USH2A: variants seen among roughly 807,000 people sequenced by gnomAD.
The protein encoded by USH2A is usherin.
Under a neutral mutation model 538.9 loss-of-function variants are expected in USH2A, and 443 were observed. The observed-to-expected ratio is 0.82, with a 90% confidence interval of 0.76 to 0.89. The LOEUF is 0.89. Ranked by LOEUF, USH2A falls within the 40% of genes least tolerant of loss-of-function variation. USH2A has a pLI of 0.00. For synonymous variants in USH2A, 2,413 were observed against 2,273.5 expected (o/e 1.06, Z -1.75); for missense variants, 6,633 against 6,324.8 (o/e 1.05, Z -1.65).
intron 47 of USH2A, among the ~76,000 whole-genome samples, chr1:215,828,316 GGT>G (rs1408266420): frequency 6.6e-6 from 1 of 152,084 alleles, no homozygotes; most frequent in African/African-American, 2.4e-5. Context: ...GTATTAGCTG[GGT>G]GTGGTGGCAT....
intron 37 of USH2A, 51 bp from the exon 38 acceptor site, chr1:215,934,846 CCTG>C: frequency 2.7e-6 from 4 of 1,496,740 alleles, no homozygotes; most frequent in Non-Finnish European, 3.6e-6. Context: ...AGAATTCATT[CCTG>C]CTATTATTTG....
intron 46 of USH2A, among the ~76,000 whole-genome samples, chr1:215,844,014 T>G (rs56361219): frequency 1.7e-3 from 261 of 152,292 alleles, no homozygotes; most frequent in Admixed American, 4.3e-3. Context: ...CTCAACAAGA[T>G]TTATTTAGAA....
At position 215,968,818 on chromosome 1, in the gene USH2A, T is replaced by C. The variant is rs543458853; in HGVS notation, c.6957+1807A>G. Among the ~76,000 whole-genome samples the C allele has an allele frequency of 5.9e-5, 9 of 152,304 alleles. No homozygotes were observed. The East Asian group carries it at 1.5e-3, about 26-fold the overall frequency. ...TAAAATGTCATAGCATCGGGCTCTA[T>C]TTAGATGAATATCTTAAGAAACCGT... On this transcript the variant is annotated intron_variant, in intron 36 of 71. Coordinates refer to ENST00000307340, the MANE Select transcript of USH2A (RefSeq NM_206933.4).
At chr1:215,809,330 C>T (rs748763222) in intron 49 of USH2A, among the ~76,000 whole-genome samples, 7 of 152,078 alleles carry the variant, frequency 4.6e-5, no homozygotes, top group Admixed American at 2.0e-4. Flanking sequence ...ATCTACATGG[C>T]GAAAGCCAAT....
chr1:216,171,517 G>T (rs905494799), intron 21 of USH2A, among the ~76,000 whole-genome samples: 2 of 151,984 alleles, frequency 1.3e-5, no homozygotes, highest in African/African-American at 4.8e-5. Flanking sequence ...TTAATAGAAT[G>T]CTGATTTTAT....
intron 51 of USH2A, among the ~76,000 whole-genome samples, chr1:215,787,553 A>G (rs1209216561): frequency 6.6e-6 from 1 of 152,176 alleles, no homozygotes; most frequent in African/African-American, 2.4e-5. Context: ...TTAAATACTT[A>G]ATCATCCCAC....
chr1:215,909,718 T>C (rs1048864585), intron 38 of USH2A, among the ~76,000 whole-genome samples: 1 of 151,936 alleles, frequency 6.6e-6, no homozygotes, highest in Non-Finnish European at 1.5e-5. Flanking sequence ...GCATCTCTGA[T>C]GAGGTTTTAT....
At chr1:215,859,713 G>T (rs1664266587) in intron 44 of USH2A, among the ~76,000 whole-genome samples, 1 of 152,142 alleles carries the variant, frequency 6.6e-6, no homozygotes, top group Non-Finnish European at 1.5e-5. Context: ...TTCTTTAGAG[G>T]CCCCGTCTCC....
At chr1:216,012,673 G>A (rs1668605247) in intron 32 of USH2A, among the ~76,000 whole-genome samples, 1 of 152,078 alleles carries the variant, frequency 6.6e-6, no homozygotes. Flanking sequence ...AAGTAGAACG[G>A]ACTAAAGGTC....
chr1:216,115,126 T>C (rs1008122321), intron 21 of USH2A, among the ~76,000 whole-genome samples: 13 of 151,372 alleles, frequency 8.6e-5, no homozygotes, highest in African/African-American at 3.2e-4. Context: ...TGTTTTGTTT[T>C]GTTTTGTTTT....
intron 13 of USH2A, among the ~76,000 whole-genome samples, chr1:216,242,423 A>G (rs2035957765): frequency 6.6e-6 from 1 of 151,824 alleles, no homozygotes; most frequent in African/African-American, 2.4e-5. Context: ...TTGTGGGCAC[A>G]CAATAAGGGG....
intron 4 of USH2A, among the ~76,000 whole-genome samples, chr1:216,349,954 G>A (rs549255962): frequency 6.6e-6 from 1 of 152,204 alleles, no homozygotes; most frequent in Non-Finnish European, 1.5e-5. Flanking sequence ...AGAAAAGAGG[G>A]TTAGTTGACT....
intron 61 of USH2A, among the ~76,000 whole-genome samples, chr1:215,695,564 A>C (rs1264829166): frequency 6.6e-6 from 1 of 152,188 alleles, no homozygotes; most frequent in African/African-American, 2.4e-5. Context: ...TATTCTAGTC[A>C]AGGAAATTTA....
intron 47 of USH2A, among the ~76,000 whole-genome samples, chr1:215,833,087 T>C (rs1371596836): frequency 6.6e-6 from 1 of 152,004 alleles, no homozygotes; most frequent in East Asian, 1.9e-4. Flanking sequence ...AGCAAGAGTG[T>C]GTTCTTGAAT....
intron 37 of USH2A, among the ~76,000 whole-genome samples, chr1:215,962,536 T>C (rs1667227833): frequency 6.6e-6 from 1 of 152,070 alleles, no homozygotes; most frequent in Non-Finnish European, 1.5e-5. Flanking sequence ...ATTATTAAGA[T>C]GGAAAAAAAG....
At chr1:216,025,697 A>G (rs1668948059) in intron 32 of USH2A, among the ~76,000 whole-genome samples, 1 of 152,096 alleles carries the variant, frequency 6.6e-6, no homozygotes, top group Non-Finnish European at 1.5e-5. Context: ...GCCTTTATAG[A>G]AACCATTTAT....
chr1:215,636,112 C>G (rs981756490), intron 69 of USH2A, among the ~76,000 whole-genome samples: 1 of 152,108 alleles, frequency 6.6e-6, no homozygotes, highest in Non-Finnish European at 1.5e-5. Flanking sequence ...AAATCTAATA[C>G]CCACAGCCAG....
At position 216,184,366 on chromosome 1, in the gene USH2A, ACAT is replaced by A. The variant is rs201004724; in HGVS notation, c.4396+5854_4396+5856del. Among the ~76,000 whole-genome samples, 207 of 152,078 alleles carry A rather than the reference ACAT, an allele frequency of 1.4e-3. 6 individuals carry two copies. The highest frequency in any genetic ancestry group is 0.011 in the East Asian group (57 of 5,150). ...AGCAGCCTCAGATTCATGAGTCCAT[ACAT>A]CAAGTCAGTAGTTTAACAACAAATG... On this transcript the variant is annotated intron_variant, in intron 20 of 71. Transcript: ENST00000307340.
chr1:215,653,091 C>A (rs1334534012), intron 64 of USH2A, among the ~76,000 whole-genome samples: 2 of 152,176 alleles, frequency 1.3e-5, no homozygotes, highest in Non-Finnish European at 2.9e-5. Context: ...ATTAACTTTT[C>A]TTTCATTTTC....
Sources: gnomAD v4.1 joint callset for allele counts (sites outside exome capture counted in the v4.1 genomes callset) on GRCh38, gnomAD v4.1.1 for gene constraint, MANE v1.5 for transcripts, NCBI Gene and HGNC (gene_info 2026-07-23, HGNC 2026-07-21) for gene names.